CD2BP2: variants seen among roughly 807,000 people sequenced by gnomAD.
CD2BP2 encodes the protein CD2 cytoplasmic tail binding protein 2, also known as CD2 antigen cytoplasmic tail-binding protein 2.
Under a neutral mutation model 35.9 loss-of-function variants are expected in CD2BP2, and 27 were observed. The observed-to-expected ratio is 0.75, with a 90% confidence interval of 0.55 to 1.04. The LOEUF (loss-of-function observed/expected upper bound fraction) is 1.04, where lower values mean the gene tolerates loss of function less well. Among genes scored for constraint, CD2BP2 ranks in the 50% least tolerant of loss-of-function variants. The probability of loss-of-function intolerance (pLI) is 0.00; values close to 1 mark genes in which losing one functional copy is unlikely to be tolerated. For missense variants in CD2BP2, 497 were observed against 444.3 expected, an observed-to-expected ratio of 1.12 and a Z score of -1.07; for synonymous variants, 213 against 173.5, an observed-to-expected ratio of 1.23 and a Z score of -1.79.
rs546944808 is a variant in CD2BP2 at position 30,353,753 on chromosome 16, C to T, written c.423G>A (p.Ser141=). Residue 141 remains serine (S), a synonymous_variant, in exon 5 of 7, where the codon TCG becomes TCA. Transcript: ENST00000305596. ...RPPGQRQASD[S]EEEDSLGQTS... ...TCTGGCCCAAGCTGTCCTCCTCCTC[C>T]GAGTCTGAGGCCTGGCGCTGGCCAG... The T allele has an allele frequency of 6.2e-6, 10 of 1,607,882 alleles. No homozygotes were observed. In the East Asian group the frequency reaches 1.1e-4, roughly 18 times the overall value.
At chr16:30,354,508 C>T in intron 2 of CD2BP2, 96 bp downstream of exon 2, 1 of 1,458,498 alleles carries the variant, frequency 6.9e-7, no homozygotes, top group South Asian at 1.2e-5. Flanking sequence ...CTAGGCTTTT[C>T]TCTGCCTGCC....
Position 30,352,301 on chromosome 16 carries a change from C to T in CD2BP2, c.*684G>A, listed in dbSNP as rs1254673775. 3 of 152,676 alleles carry T rather than the reference C, an allele frequency of 2.0e-5. No homozygotes were observed. Among genetic ancestry groups the T allele is most frequent in the Non-Finnish European group, 4.4e-5 (3 of 68,384 alleles). The allele number at this position is 152,676 out of a possible 1,614,324, so 9.5% of individuals were successfully genotyped here. A position where few individuals can be genotyped will look rare whatever the true frequency, so the allele number is the denominator to read the frequency against. On this transcript the variant is annotated 3_prime_UTR_variant, in exon 7 of 7. Transcript: ENST00000305596. ...TGCCCCTCTCTGTGCCAGTACAATG[C>T]ACACTTGGCCCACACTTGGCCACTG...
At chr16:30,355,063 C>A in intron 1 of CD2BP2, 149 bp downstream of exon 1, 2 of 277,106 alleles carry the variant, frequency 7.2e-6, no homozygotes, top group Non-Finnish European at 1.4e-5. Flanking sequence ...GCTCGCCGGG[C>A]CCCGGCAGAC....
intron 1 of CD2BP2, chr16:30,355,011 C>G: frequency 6.4e-6 from 2 of 314,204 alleles, no homozygotes; most frequent in South Asian, 6.6e-5. Flanking sequence ...GCGCCACCGG[C>G]TCCACGGGCT....
rs1303465081 is a variant in CD2BP2, at chr16:30,353,538, C to T, written c.638G>A (p.Gly213Asp). The T allele has an allele frequency of 2.5e-6, 4 of 1,614,118 alleles. No individual in the cohort carries two copies. The highest frequency in any genetic ancestry group is 2.2e-5 in the East Asian group (1 of 44,898). The change falls in exon 5 of 7, where the codon GGC becomes GAC. Residue 213 changes from glycine (G) to aspartate (D), a missense_variant. Transcript: ENST00000305596. ...TGTTTCCTGGTACACACCAAGGTTGCCCCGGGCCACCATCTGGTCGGCCAA... is the reference window on the plus strand; with the variant it reads ...TGTTTCCTGGTACACACCAAGGTTGTCCCGGGCCACCATCTGGTCGGCCAA... ...SGLADQMVARGNLGVYQETRE... is the reference protein window; with the variant it reads ...SGLADQMVARDNLGVYQETRE...
In CD2BP2 at chr16:30,354,309, A is replaced by G. The variant is rs2049514816; in HGVS notation, c.92T>C (p.Val31Ala). The G allele has an allele frequency of 3.7e-6, 6 of 1,613,864 alleles. No individual in the cohort carries two copies. The highest frequency in any genetic ancestry group is 5.1e-6 in the Non-Finnish European group (6 of 1,179,900). The change falls in exon 3 of 7, where the codon GTG becomes GCG. Residue 31 changes from valine (V) to alanine (A), a missense_variant. Physicochemically the swap from Val to Ala is moderately conservative, Grantham distance 64 (BLOSUM62 0). Transcript: ENST00000305596. ...GCTCCCAGGACCCCCTGACCCAGCC[A>G]CAGGGTCCACCAGCTGTGAGCAGGA... ...IVPKKKLVDP[V>A]AGSGGPGSRF...
chr16:30,351,001 A>C lies in CD2BP2; in HGVS notation c.*1984T>G, dbSNP rs2049477525. The C allele has an allele frequency of 6.6e-6, 1 of 151,902 alleles. No homozygotes were observed. Among genetic ancestry groups the C allele is most frequent in the African/African-American group, 2.4e-5 (1 of 41,110 alleles). 9.4% of individuals were successfully genotyped at this position (151,902 alleles called of 1,614,324 possible). A position where few individuals can be genotyped will look rare whatever the true frequency, so the allele number is the denominator to read the frequency against. The stretch of plus-strand genomic sequence containing the variant: ...CTTGCTTCATGCGCAGACCCTCGTG[A>C]CTCCCCTTCCCTTATAAGGGCCCCC... On this transcript the variant is annotated 3_prime_UTR_variant, in exon 7 of 7. Coordinates refer to ENST00000305596, the MANE Select transcript of CD2BP2 (RefSeq NM_006110.3).
chr16:30,355,095 A>C, intron 1 of CD2BP2, 117 bp downstream of exon 1: 6 of 232,354 alleles, frequency 2.6e-5, no homozygotes, highest in Admixed American at 5.3e-5. Flanking sequence ...CGCTCTCGCC[A>C]CCCCGTTCCT....
In CD2BP2 at chr16:30,350,886, G is replaced by T. The variant is rs1191594095; in HGVS notation, c.*2099C>A. The stretch of plus-strand genomic sequence containing the variant: ...CTTTGTTTCTCCACGGAGGCTCTGG[G>T]GCAGAATCCAATGCCTTTTCCAGCT... On this transcript the variant is annotated 3_prime_UTR_variant, in exon 7 of 7. Coordinates refer to ENST00000305596, the MANE Select transcript of CD2BP2 (RefSeq NM_006110.3). 6.6e-6 allele frequency: 1 copy of T among 152,530 alleles called. No individual in the cohort carries two copies. The highest frequency in any genetic ancestry group is 1.5e-5 in the Non-Finnish European group (1 of 68,072). 9.4% of individuals were successfully genotyped at this position (152,530 alleles called of 1,614,324 possible). A position where few individuals can be genotyped will look rare whatever the true frequency, so the allele number is the denominator to read the frequency against.
Position 30,352,856 on chromosome 16 carries a change from A to G in CD2BP2, c.*129T>C, listed in dbSNP as rs1596976084. 3 of 671,136 alleles carry G rather than the reference A, an allele frequency of 4.5e-6. No individual in the cohort carries two copies. The highest frequency in any genetic ancestry group is 5.4e-5 in the East Asian group (2 of 37,166). The allele number at this position is 671,136 out of a possible 1,614,324, so 41.6% of individuals were successfully genotyped here. A position where few individuals can be genotyped will look rare whatever the true frequency, so the allele number is the denominator to read the frequency against. ...ACAGCCAAGGCCCCAGTACACAACT[A>G]AAGGCTTTTATTGGGAAAGGGAAAT... On this transcript the variant is annotated 3_prime_UTR_variant, in exon 7 of 7. Transcript: ENST00000305596.
In CD2BP2 at chr16:30,352,885, C is replaced by T. The variant is rs1373918781; in HGVS notation, c.*100G>A. The stretch of plus-strand genomic sequence containing the variant: ...GCTTTTATTGGGAAAGGGAAATTGA[C>T]TGAAAAATGGCCTCCAATTTCCTCG... On this transcript the variant is annotated 3_prime_UTR_variant, in exon 7 of 7. Coordinates refer to ENST00000305596, the MANE Select transcript of CD2BP2 (RefSeq NM_006110.3). The T allele has an allele frequency of 9.2e-6, 7 of 764,790 alleles. No homozygotes were observed. Among genetic ancestry groups the T allele is most frequent in the East Asian group, 7.6e-5 (3 of 39,666 alleles). The allele number at this position is 764,790 out of a possible 1,614,324, so 47.4% of individuals were successfully genotyped here.
chr16:30,353,140 G>A (rs761749751), intron 6 of CD2BP2, 41 bp downstream of exon 6: 2 of 1,607,514 alleles, frequency 1.2e-6, no homozygotes, highest in Non-Finnish European at 8.5e-7. Flanking sequence ...CAGGAGTGGG[G>A]GAAGCAGGGA....
Position 30,353,614 on chromosome 16 carries a change from T to C in CD2BP2, c.562A>G (p.Lys188Glu). The change falls in exon 5 of 7, where the codon AAG becomes GAG. Residue 188 changes from lysine to glutamate, a missense_variant. Coordinates refer to ENST00000305596, the MANE Select transcript of CD2BP2 (RefSeq NM_006110.3). Reference sequence around the variant, plus strand: ...GGGGAACTGGGTTGCCCAGGCCCCTTTCTCCCTTTGCCTCCTCCTCGGGCC... The same window carrying C: ...GGGGAACTGGGTTGCCCAGGCCCCTCTCTCCCTTTGCCTCCTCCTCGGGCC... The part of the protein sequence containing the change: ...LGARGGGKGR[K>E]GPGQPSSPQR... The C allele has an allele frequency of 6.2e-7, 1 of 1,613,836 alleles. No individual in the cohort carries two copies. Among genetic ancestry groups the C allele is most frequent in the Non-Finnish European group, 8.5e-7 (1 of 1,179,882 alleles).
chr16:30,354,807 T>G, intron 1 of CD2BP2, 100 bp from the exon 2 acceptor site: 1 of 888,382 alleles, frequency 1.1e-6, no homozygotes, highest in Non-Finnish European at 1.9e-6. Context: ...AGGTACAGTT[T>G]GGGAGCGGAG....
Position 30,351,044 on chromosome 16 carries a change from A to C in CD2BP2, c.*1941T>G, listed in dbSNP as rs1160027118. 1 of 152,540 alleles carries C rather than the reference A, an allele frequency of 6.6e-6. No individual in the cohort carries two copies. The highest frequency in any genetic ancestry group is 1.9e-4 in the East Asian group (1 of 5,176). The allele number at this position is 152,540 out of a possible 1,614,324, so 9.4% of individuals were successfully genotyped here. A position where few individuals can be genotyped will look rare whatever the true frequency, so the allele number is the denominator to read the frequency against. On this transcript the variant is annotated 3_prime_UTR_variant, in exon 7 of 7. Coordinates refer to ENST00000305596, the MANE Select transcript of CD2BP2 (RefSeq NM_006110.3). ...GGGCCCCCATGATTACTCAGGGCCC[A>C]CCTCAACCATCCACGGTCATCTCCC...
rs946799869 is a variant in CD2BP2 at position 30,352,509 on chromosome 16, C to G, written c.*476G>C. 1 of 166,740 alleles carries G rather than the reference C, an allele frequency of 6.0e-6. No homozygotes were observed. The highest frequency in any genetic ancestry group is 1.3e-5 in the Non-Finnish European group (1 of 75,356). The allele number at this position is 166,740 out of a possible 1,614,324, so 10.3% of individuals were successfully genotyped here. A position where few individuals can be genotyped will look rare whatever the true frequency, so the allele number is the denominator to read the frequency against. ...AGTAAGAGGGTTCCATGCTCACCCC[C>G]AACAGGGTCCCAATGTCTTCTCGAT... On this transcript the variant is annotated 3_prime_UTR_variant, in exon 7 of 7. Coordinates refer to ENST00000305596, the MANE Select transcript of CD2BP2 (RefSeq NM_006110.3).
At position 30,353,037 on chromosome 16, in the gene CD2BP2, G is replaced by C; in HGVS notation, c.974C>G (p.Pro325Arg). The change falls in exon 7 of 7, where the codon CCT (proline) becomes CGT (arginine). Residue 325 changes from proline to arginine, a missense_variant. Physicochemically the swap from Pro to Arg is moderately radical, Grantham distance 103. Transcript: ENST00000305596. ...TTTGGAGTTGTAGAACTGACCACCA[G>C]GGGGGTCCAGCTTCCGGCAATAAAC... ...DGVYCRKLDP[P>R]GGQFYNSKRI... 3 of 1,613,198 alleles carry C rather than the reference G, an allele frequency of 1.9e-6. No homozygotes were observed. Among genetic ancestry groups the C allele is most frequent in the South Asian group, 2.2e-5 (2 of 91,058 alleles).
Position 30,353,760 on chromosome 16 carries a change from G to C in CD2BP2, c.416C>G (p.Ser139Ter). 6.2e-7 allele frequency: 1 copy of C among 1,606,652 alleles called. No homozygotes were observed. The highest frequency in any genetic ancestry group is 8.5e-7 in the Non-Finnish European group (1 of 1,176,352). ...RERPPGQRQA[S>*]DSEEEDSLGQ... ...CAAGCTGTCCTCCTCCTCCGAGTCT[G>C]AGGCCTGGCGCTGGCCAGGTGGCCG... The change falls in exon 5 of 7, where the codon TCA (serine) becomes TGA (stop). Residue 139 changes from serine to a stop codon, truncating the protein, a stop_gained. Transcript: ENST00000305596. LOFTEE classifies it high-confidence loss of function.
rs2049490629 is a variant in CD2BP2, at chr16:30,352,555, A to G, written c.*430T>C. The G allele has an allele frequency of 5.6e-6, 1 of 178,186 alleles. No individual in the cohort carries two copies. The highest frequency in any genetic ancestry group is 1.4e-4 in the East Asian group (1 of 6,968). The allele number at this position is 178,186 out of a possible 1,614,324, so 11.0% of individuals were successfully genotyped here. ...TCGATGCCCTGGTCCTTCTGGGCCT[A>G]AAACATCCACTTCTGGGGCTCTGTC... On this transcript the variant is annotated 3_prime_UTR_variant, in exon 7 of 7. Coordinates refer to ENST00000305596, the MANE Select transcript of CD2BP2 (RefSeq NM_006110.3).
Sources: allele counts gnomAD v4.1 joint callset, GRCh38; gene constraint gnomAD v4.1.1; transcripts MANE v1.5; gene names NCBI Gene and HGNC (gene_info 2026-07-23, HGNC 2026-07-21).